Variants in SLC25A48 observed in about 807,000 individuals in gnomAD.
SLC25A48 encodes solute carrier family 25 member 48, also known as CTC-321K16.1.
Under a neutral mutation model 32.2 loss-of-function variants are expected in SLC25A48, and 29 were observed. That is an observed-to-expected ratio of 0.90 (90% CI 0.67 to 1.23). The LOEUF is 1.23. Ranked by LOEUF, SLC25A48 falls within the 50% of genes most tolerant of loss-of-function variation. The probability of loss-of-function intolerance (pLI) is 0.00; values close to 1 mark genes in which losing one functional copy is unlikely to be tolerated. For synonymous variants in SLC25A48, 164 were observed against 172.3 expected (o/e 0.95, Z 0.38); for missense variants, 399 against 422.7 (o/e 0.94, Z 0.49).
intron 3 of SLC25A48, among the ~76,000 whole-genome samples, chr5:135,662,352 G>A (rs886759083): frequency 1.3e-5 from 2 of 152,170 alleles, no homozygotes; most frequent in Non-Finnish European, 2.9e-5. Flanking sequence ...TAAAGACTTT[G>A]CTGCAGAAGC....
chr5:135,792,366 G>A lies in SLC25A48; in HGVS notation c.-520-20157G>A, dbSNP rs527544837. ...AAAACAGTGGTTGTACGCCATGTGT[G>A]TACACCACAGGGGGTGATATCATTT... On this transcript the variant is annotated intron_variant, in intron 3 of 10. Coordinates refer to the SLC25A48 transcript ENST00000646290. Among the ~76,000 whole-genome samples the A allele has an allele frequency of 3.0e-4, 45 of 151,642 alleles. 1 individual carries two copies. The highest frequency in any genetic ancestry group is 2.9e-3 in the Admixed American group (44 of 15,176).
At chr5:135,708,108 C>T (rs1754564484) in intron 3 of SLC25A48, among the ~76,000 whole-genome samples, 1 of 152,194 alleles carries the variant, frequency 6.6e-6, no homozygotes, top group African/African-American at 2.4e-5. Context: ...GCCTTCCAGG[C>T]AGCAGGGGCC....
At chr5:135,842,043 G>T (rs1759045550) in intron 1 of SLC25A48, among the ~76,000 whole-genome samples, 1 of 152,152 alleles carries the variant, frequency 6.6e-6, no homozygotes, top group South Asian at 2.1e-4. Flanking sequence ...CACAGGTCAA[G>T]ATTTTTTTCT....
Position 135,855,643 on chromosome 5 carries a change from C to A in SLC25A48, c.421+2822C>A, listed in dbSNP as rs577014813. 2.2e-4 allele frequency among the ~76,000 whole-genome samples: 34 copies of A among 152,284 alleles called. 1 individual carries two copies. The South Asian group carries it at 6.8e-3, about 31-fold the overall frequency. ...TAAGGCCCCTTGTTCAAAAATTATG[C>A]CATATTTTACAATGGCAACAGCAAA... On this transcript the variant is annotated intron_variant, in intron 4 of 7. Coordinates refer to ENST00000681962, the MANE Select transcript of SLC25A48 (RefSeq NM_001349336.2).
chr5:135,662,528 G>T (rs1753428388), intron 3 of SLC25A48, among the ~76,000 whole-genome samples: 1 of 152,100 alleles, frequency 6.6e-6, no homozygotes, highest in South Asian at 2.1e-4. Context: ...CCCATCTGTG[G>T]GTCTGCATGG....
At chr5:135,622,056 C>T (rs886461798) in intron 1 of SLC25A48, among the ~76,000 whole-genome samples, 24 of 151,980 alleles carry the variant, frequency 1.6e-4, no homozygotes, top group African/African-American at 4.6e-4. Context: ...AAAAGAAGAA[C>T]GGAGAAGGCC....
chr5:135,803,330 C>T (rs1757379359), intron 3 of SLC25A48, among the ~76,000 whole-genome samples: 1 of 151,012 alleles, frequency 6.6e-6, no homozygotes. Flanking sequence ...TCATAATATT[C>T]CAGGGATATA....
intron 3 of SLC25A48, among the ~76,000 whole-genome samples, chr5:135,686,188 C>G (rs1016702494): frequency 1.3e-5 from 2 of 152,190 alleles, no homozygotes; most frequent in African/African-American, 4.8e-5. Flanking sequence ...GGTGCAATTC[C>G]TCATCTCTAT....
chr5:135,738,942 C>T lies in SLC25A48; in HGVS notation c.-520-73581C>T, dbSNP rs1202636284. On this transcript the variant is annotated intron_variant, in intron 3 of 10. Transcript: ENST00000646290. ...ACTAAAAATACAAAAATTAGCCAGG[C>T]ATGGTGGCACACGCCTGTAATCCTG... Among the ~76,000 whole-genome samples the T allele has an allele frequency of 5.9e-5, 9 of 152,230 alleles. No individual in the cohort carries two copies. In the South Asian group the frequency reaches 1.9e-3, roughly 32 times the overall value.
intron 6 of SLC25A48, among the ~76,000 whole-genome samples, chr5:135,879,297 C>A (rs181591826): frequency 1.2e-4 from 19 of 152,190 alleles, no homozygotes; most frequent in African/African-American, 4.6e-4. Flanking sequence ...TGCCAGGCAC[C>A]GTGCAAGTGC....
In SLC25A48 at chr5:135,873,914, C is replaced by G. The variant is rs1438167340; in HGVS notation, c.680-107C>G. The G allele has an allele frequency of 7.1e-6, 9 of 1,261,014 alleles. 1 individual carries two copies. The South Asian group carries it at 1.1e-4, about 16-fold the overall frequency. The allele number at this position is 1,261,014 out of a possible 1,614,324, so 78.1% of individuals were successfully genotyped here. The stretch of plus-strand genomic sequence containing the variant: ...GCAGGTTCTAAGCCTGAGCTCTGTC[C>G]CTTCTCCCAGCTTAATGAATCTCTA... On this transcript the variant is annotated intron_variant, in intron 5 of 7. Transcript: ENST00000681962.
At chr5:135,620,593 T>C (rs1482271653) in intron 1 of SLC25A48, among the ~76,000 whole-genome samples, 1 of 152,116 alleles carries the variant, frequency 6.6e-6, no homozygotes, top group African/African-American at 2.4e-5. Context: ...GGCAGGGGAA[T>C]TTGTCCTTGG....
chr5:135,796,532 C>T (rs188193574), intron 3 of SLC25A48, among the ~76,000 whole-genome samples: 127 of 150,926 alleles, frequency 8.4e-4, no homozygotes, highest in African/African-American at 2.8e-3. Context: ...TGATATTACT[C>T]CCCATATCGT....
At chr5:135,862,431 G>A (rs925016412) in intron 4 of SLC25A48, among the ~76,000 whole-genome samples, 2 of 152,032 alleles carry the variant, frequency 1.3e-5, no homozygotes, top group African/African-American at 4.8e-5. Context: ...AAGGAGATGA[G>A]TGTTTACACC....
At chr5:135,673,236 G>A (rs549511847) in intron 3 of SLC25A48, among the ~76,000 whole-genome samples, 9 of 152,228 alleles carry the variant, frequency 5.9e-5, no homozygotes, top group Non-Finnish European at 1.0e-4. Flanking sequence ...TCCTCTTTGC[G>A]TAAATGCCTA....
intron 3 of SLC25A48, among the ~76,000 whole-genome samples, chr5:135,636,692 C>T (rs575447098): frequency 6.6e-6 from 1 of 152,252 alleles, no homozygotes; most frequent in African/African-American, 2.4e-5. Context: ...TGGAATAAGC[C>T]CATAGTTCTT....
At chr5:135,731,090 AAAAG>A (rs1192360532) in intron 3 of SLC25A48, among the ~76,000 whole-genome samples, 1 of 152,308 alleles carries the variant, frequency 6.6e-6, no homozygotes, top group East Asian at 1.9e-4. Context: ...GCTGAGTCCG[AAAAG>A]AGAGTCAGTG....
At chr5:135,601,773 G>T (rs1751801642) in intron 1 of SLC25A48, among the ~76,000 whole-genome samples, 1 of 152,186 alleles carries the variant, frequency 6.6e-6, no homozygotes, top group South Asian at 2.1e-4. Flanking sequence ...TGAGCCAAAA[G>T]AAACTGTATT....
intron 3 of SLC25A48, among the ~76,000 whole-genome samples, chr5:135,771,545 G>A (rs1404163557): frequency 6.6e-6 from 1 of 151,506 alleles, no homozygotes; most frequent in East Asian, 2.0e-4. Flanking sequence ...TCATTTTCGT[G>A]GGGGGTGTAC....
Sources: gnomAD v4.1 joint callset for allele counts (sites outside exome capture counted in the v4.1 genomes callset) on GRCh38, gnomAD v4.1.1 for gene constraint, MANE v1.5 for transcripts, NCBI Gene and HGNC (gene_info 2026-07-23, HGNC 2026-07-21) for gene names.